Variants in SH3PXD2B observed in about 807,000 individuals in gnomAD.
SH3PXD2B encodes SH3 and PX domains 2B.
SH3PXD2B carries 37 observed loss-of-function variants against 73.1 expected under a neutral mutation model. That is an observed-to-expected ratio of 0.51 (90% confidence interval 0.39 to 0.67). SH3PXD2B has a LOEUF of 0.67. Ranked by LOEUF, SH3PXD2B falls within the 30% of genes least tolerant of loss-of-function variation. The pLI is 0.00. For missense variants in SH3PXD2B, 1,053 were observed against 1,197.8 expected (o/e 0.88, Z 1.78); for synonymous variants, 457 against 480.5 (o/e 0.95, Z 0.64).
intron 12 of SH3PXD2B, among the ~76,000 whole-genome samples, chr5:172,342,201 T>G (rs1168175679): frequency 6.6e-6 from 1 of 152,152 alleles, no homozygotes; most frequent in African/African-American, 2.4e-5. Context: ...CTGCAGTTGT[T>G]TAAGCCACCC....
At chr5:172,404,920 C>T (rs560327168) in intron 3 of SH3PXD2B, among the ~76,000 whole-genome samples, 4 of 152,296 alleles carry the variant, frequency 2.6e-5, no homozygotes, top group South Asian at 2.1e-4. Flanking sequence ...TCTGTGCAAG[C>T]GCCCATAGGT....
At chr5:172,416,617 C>T (rs1369891841) in intron 2 of SH3PXD2B, among the ~76,000 whole-genome samples, 4 of 143,490 alleles carry the variant, frequency 2.8e-5, no homozygotes, top group East Asian at 4.1e-4. Context: ...TGAGCCACTG[C>T]GCCCGGCCTC....
chr5:172,329,304 G>A (rs906371592), downstream of SH3PXD2B, among the ~76,000 whole-genome samples: 3 of 150,242 alleles, frequency 2.0e-5, no homozygotes, highest in East Asian at 2.0e-4. Context: ...GGCTAGTCAC[G>A]AACTTCTCAC....
At chr5:172,356,618 G>A (rs908243445) in intron 8 of SH3PXD2B, 2 of 152,336 alleles carry the variant, frequency 1.3e-5, no homozygotes, top group Admixed American at 6.5e-5. Context: ...TGGTCCCAGA[G>A]CAGGGAGGCT....
At chr5:172,409,147 C>T (rs543290703) in intron 2 of SH3PXD2B, among the ~76,000 whole-genome samples, 28 of 152,110 alleles carry the variant, frequency 1.8e-4, no homozygotes, top group African/African-American at 6.3e-4. Context: ...TCTGAGAGGC[C>T]GAGGTGGGTG....
At chr5:172,416,694 CTCTTTTTTTTTTTTTTTTT>C (rs1380495646) in intron 2 of SH3PXD2B, among the ~76,000 whole-genome samples, 52 of 78,318 alleles carry the variant, frequency 6.6e-4, no homozygotes, top group African/African-American at 2.8e-3. Flanking sequence ...CTCTCTCTCT[CTCTTTTTTTTTTTTTTTTT>C]TTTTTTTTTT....
In SH3PXD2B at chr5:172,338,228, C is replaced by T. The variant is rs1418984231; in HGVS notation, c.*141G>A. ...GAGGTGTCCGAAACTCACTCTCCAC[C>T]CATGGGAGGCAAGAAGTCACAGTAC... On this transcript the variant is annotated 3_prime_UTR_variant, in exon 13 of 13. Transcript: ENST00000311601. This position sits in a 1 kb window ranked among gnomAD's most constrained non-coding sequence, Gnocchi z 5.1. The T allele has an allele frequency of 6.4e-7, 1 of 1,551,298 alleles. No individual in the cohort carries two copies. Among genetic ancestry groups the T allele is most frequent in the South Asian group, 1.2e-5 (1 of 83,100 alleles).
Position 172,334,377 on chromosome 5 carries a change from G to A in SH3PXD2B, c.*3992C>T. 1 of 992,422 alleles carries A rather than the reference G, an allele frequency of 1.0e-6. No homozygotes were observed. Among genetic ancestry groups the A allele is most frequent in the South Asian group, 4.6e-5 (1 of 21,536 alleles). 61.5% of individuals were successfully genotyped at this position (992,422 alleles called of 1,614,324 possible). On this transcript the variant is annotated 3_prime_UTR_variant, in exon 13 of 13. Coordinates refer to ENST00000311601, the MANE Select transcript of SH3PXD2B (RefSeq NM_001017995.3). ...CCTCCAGGCCAAGAGAGGGCGCCCT[G>A]CACCCTCAGGCCTCGATGCATGCTG... is the stretch of plus-strand genomic sequence containing the variant.
chr5:172,382,020 C>G lies in SH3PXD2B; in HGVS notation c.401+16G>C, dbSNP rs1757957966. The G allele has an allele frequency of 1.2e-6, 2 of 1,602,592 alleles. No individual in the cohort carries two copies. The highest frequency in any genetic ancestry group is 3.4e-5 in the Admixed American group (2 of 58,498). ...GCTGTGGGGCTCCATCTGGGGAAGC[C>G]CACAAACAAACTTACTCTTTGGGGG... On this transcript the variant is annotated intron_variant, in intron 5 of 12. Transcript: ENST00000311601.
At chr5:172,348,507 T>C (rs907111968) in intron 10 of SH3PXD2B, among the ~76,000 whole-genome samples, 1 of 152,092 alleles carries the variant, frequency 6.6e-6, no homozygotes, top group African/African-American at 2.4e-5. Context: ...CCTGAACATA[T>C]ACACAGACTG....
rs959471165 is a variant in SH3PXD2B, at chr5:172,335,457, G to C, written c.*2912C>G. The C allele has an allele frequency of 8.1e-7, 1 of 1,229,982 alleles. No individual in the cohort carries two copies. Among genetic ancestry groups the C allele is most frequent in the Non-Finnish European group, 1.0e-6 (1 of 987,318 alleles). 76.2% of individuals were successfully genotyped at this position (1,229,982 alleles called of 1,614,324 possible). On this transcript the variant is annotated 3_prime_UTR_variant, in exon 13 of 13. Coordinates refer to ENST00000311601, the MANE Select transcript of SH3PXD2B (RefSeq NM_001017995.3). Reference sequence around the variant, plus strand: ...AACAAAACCAAACAAACCCAAACTCGAGATCTCAGTCCCAGCTTGGCCACT... The same window carrying C: ...AACAAAACCAAACAAACCCAAACTCCAGATCTCAGTCCCAGCTTGGCCACT...
Position 172,334,086 on chromosome 5 carries a change from C to T in SH3PXD2B, c.*4283G>A, listed in dbSNP as rs181895676. ...TTTGAGGACAGAAGAGGTTGAGCCCCTCATCCCTGATTGGAGCTAAGAAGG... is the reference window on the plus strand; with the variant it reads ...TTTGAGGACAGAAGAGGTTGAGCCCTTCATCCCTGATTGGAGCTAAGAAGG... On this transcript the variant is annotated 3_prime_UTR_variant, in exon 13 of 13. Transcript: ENST00000311601. 2.2e-4 allele frequency: 254 copies of T among 1,136,688 alleles called. 3 individuals carry two copies. Among genetic ancestry groups the T allele is most frequent in the Non-Finnish European group, 5.2e-5 (48 of 921,254 alleles). 70.4% of individuals were successfully genotyped at this position (1,136,688 alleles called of 1,614,324 possible).
chr5:172,423,328 T>C (rs1271047631), intron 1 of SH3PXD2B, among the ~76,000 whole-genome samples: 1 of 152,100 alleles, frequency 6.6e-6, no homozygotes, highest in Non-Finnish European at 1.5e-5. Context: ...TTGTGACAAT[T>C]AAAATATATG....
In SH3PXD2B at chr5:172,334,160, TGAG is replaced by T. The variant is rs1291704014; in HGVS notation, c.*4206_*4208del. ...AACGGGAAGATGGAATGTTGAAACA[TGAG>T]GAGGAGCTCGATAACTTGGCAGAAT... is the stretch of plus-strand genomic sequence containing the variant. On this transcript the variant is annotated 3_prime_UTR_variant, in exon 13 of 13. Transcript: ENST00000311601. The T allele has an allele frequency of 7.2e-6, 8 of 1,113,348 alleles. No homozygotes were observed. The highest frequency in any genetic ancestry group is 5.5e-6 in the Non-Finnish European group (5 of 909,172). 69.0% of individuals were successfully genotyped at this position (1,113,348 alleles called of 1,614,324 possible).
In SH3PXD2B at chr5:172,417,705, C is replaced by T. The variant is rs922039524; in HGVS notation, c.156+4711G>A. Among the ~76,000 whole-genome samples the T allele has an allele frequency of 8.5e-4, 129 of 152,206 alleles. 1 individual carries two copies. The highest frequency in any genetic ancestry group is 3.9e-4 in the Admixed American group (6 of 15,288). Reference sequence around the variant, plus strand: ...CTTTACGCCAATTCCTAGCAGCACCCATGCCCATCAATAATCCTAATAGCT... The same window carrying T: ...CTTTACGCCAATTCCTAGCAGCACCTATGCCCATCAATAATCCTAATAGCT... On this transcript the variant is annotated intron_variant, in intron 2 of 12. Coordinates refer to ENST00000311601, the MANE Select transcript of SH3PXD2B (RefSeq NM_001017995.3).
chr5:172,358,742 C>T, intron 8 of SH3PXD2B, 31 bp downstream of exon 8: 1 of 1,585,828 alleles, frequency 6.3e-7, no homozygotes, highest in Non-Finnish European at 8.6e-7. Context: ...CAGGTCCTCC[C>T]CAGTGAGCAG....
chr5:172,326,856 G>C (rs993250524), intron 12 of SH3PXD2B, among the ~76,000 whole-genome samples: 1 of 149,746 alleles, frequency 6.7e-6, no homozygotes, highest in Non-Finnish European at 1.5e-5. Context: ...AATGTCTCAA[G>C]ATTTTTTTTT....
chr5:172,439,290 A>C (rs1433903347), intron 1 of SH3PXD2B, among the ~76,000 whole-genome samples: 1 of 55,880 alleles, frequency 1.8e-5, no homozygotes, highest in African/African-American at 7.1e-5. Flanking sequence ...ACAAAAAAAA[A>C]ACCCCAAAAA....
At chr5:172,431,736 C>G (rs1314198888) in intron 1 of SH3PXD2B, among the ~76,000 whole-genome samples, 1 of 152,178 alleles carries the variant, frequency 6.6e-6, no homozygotes, top group Non-Finnish European at 1.5e-5. Flanking sequence ...TAGTTACGTT[C>G]TGTAAAGTCA....
Sources: allele counts gnomAD v4.1 joint callset (sites outside exome capture counted in the v4.1 genomes callset), GRCh38; gene constraint gnomAD v4.1.1; non-coding constraint Gnocchi (gnomAD v3.1); transcripts MANE v1.5; gene names NCBI Gene and HGNC (gene_info 2026-07-23, HGNC 2026-07-21).